Variants in ARHGEF7 observed in about 807,000 individuals in gnomAD.
ARHGEF7 encodes Rho guanine nucleotide exchange factor 7.
ARHGEF7 carries 33 observed loss-of-function variants against 109.8 expected under a neutral mutation model. That is an observed-to-expected ratio of 0.30 (90% CI 0.23 to 0.40). The LOEUF (loss-of-function observed/expected upper bound fraction) is 0.40. Among genes scored for constraint, ARHGEF7 ranks in the 10% least tolerant of loss-of-function variants. The pLI is 1.00. For missense variants in ARHGEF7, 938 were observed against 1,098.5 expected, an observed-to-expected ratio of 0.85 and a Z score of 2.07; for synonymous variants, 458 against 424.6, an observed-to-expected ratio of 1.08 and a Z score of -0.97.
intron 1 of ARHGEF7, among the ~76,000 whole-genome samples, chr13:111,151,125 C>T (rs1313293975): frequency 1.3e-5 from 2 of 152,234 alleles, no homozygotes; most frequent in African/African-American, 2.4e-5. Context: ...AGGTTGAATG[C>T]TTTAAAGTCA....
intron 16 of ARHGEF7, among the ~76,000 whole-genome samples, chr13:111,283,633 C>T (rs2092891177): frequency 6.6e-6 from 1 of 152,182 alleles, no homozygotes; most frequent in African/African-American, 2.4e-5. Context: ...AGTGTGCCGC[C>T]AGGGGCCAGG....
At chr13:111,281,977 A>G (rs148829146) in intron 15 of ARHGEF7, among the ~76,000 whole-genome samples, 1 of 152,376 alleles carries the variant, frequency 6.6e-6, no homozygotes, top group Non-Finnish European at 1.5e-5. Flanking sequence ...TTTTCAAGAA[A>G]GGAGAAACAA....
Position 111,118,803 on chromosome 13 carries a change from C to T in ARHGEF7, c.165+3112C>T, listed in dbSNP as rs530966699. ...CACTTGTGAATGCAACAAATGAAGT[C>T]TCTTAACTCACTATAAAAAACTCAA... On this transcript the variant is annotated intron_variant, in intron 1 of 21. Transcript: ENST00000646102. Among the ~76,000 whole-genome samples the T allele has an allele frequency of 2.6e-5, 4 of 152,310 alleles. No homozygotes were observed. In the East Asian group the frequency reaches 7.7e-4, roughly 29 times the overall value.
chr13:111,250,864 T>G (rs1244903951), intron 8 of ARHGEF7, among the ~76,000 whole-genome samples: 11 of 152,172 alleles, frequency 7.2e-5, no homozygotes, highest in African/African-American at 2.4e-4. Flanking sequence ...AAGAAAGATG[T>G]AGGGTAAGGG....
intron 10 of ARHGEF7, 96 bp from the exon 11 acceptor site, chr13:111,274,635 A>G: frequency 1.7e-6 from 1 of 590,798 alleles, no homozygotes; most frequent in Non-Finnish European, 2.8e-6. Flanking sequence ...AAGGGTTGAA[A>G]AGTGTTAGAA....
At chr13:111,216,279 G>T (rs376437547) in intron 4 of ARHGEF7, among the ~76,000 whole-genome samples, 2 of 152,098 alleles carry the variant, frequency 1.3e-5, no homozygotes, top group Admixed American at 6.6e-5. Flanking sequence ...TTGCTGGATG[G>T]GGGGGTGATG....
intron 2 of ARHGEF7, among the ~76,000 whole-genome samples, chr13:111,163,838 A>T (rs1357727147): frequency 1.3e-5 from 2 of 152,202 alleles, no homozygotes; most frequent in African/African-American, 4.8e-5. Flanking sequence ...CCTGGCCTAA[A>T]GTTAATTTTA....
At chr13:111,156,825 T>A (rs1324868600) in intron 2 of ARHGEF7, among the ~76,000 whole-genome samples, 1 of 152,276 alleles carries the variant, frequency 6.6e-6, no homozygotes, top group South Asian at 2.1e-4. Context: ...GACACAAAAC[T>A]TAAAACTAAT....
intron 2 of ARHGEF7, among the ~76,000 whole-genome samples, chr13:111,202,170 GT>G (rs1329243879): frequency 6.6e-6 from 1 of 152,212 alleles, no homozygotes; most frequent in Non-Finnish European, 1.5e-5. Flanking sequence ...TGCGAAGTGT[GT>G]CTGTGCAGCC....
At chr13:111,183,185 G>A (rs933752971) in intron 2 of ARHGEF7, among the ~76,000 whole-genome samples, 2 of 152,182 alleles carry the variant, frequency 1.3e-5, no homozygotes, top group African/African-American at 4.8e-5. Flanking sequence ...CAGTCACATT[G>A]CACGCACGCT....
intron 4 of ARHGEF7, among the ~76,000 whole-genome samples, chr13:111,210,503 G>A (rs921697551): frequency 6.6e-6 from 1 of 152,324 alleles, no homozygotes; most frequent in Middle Eastern, 3.4e-3. Flanking sequence ...TGATTGGGAC[G>A]CAGAGAAAGA....
intron 15 of ARHGEF7, 155 bp downstream of exon 15, chr13:111,280,832 C>T: frequency 1.2e-6 from 1 of 840,846 alleles, no homozygotes; most frequent in Non-Finnish European, 1.8e-6. Flanking sequence ...CTTTGGCCCT[C>T]TTCGTGCAGT....
chr13:111,260,322 G>A (rs2090951702), intron 8 of ARHGEF7, among the ~76,000 whole-genome samples: 2 of 152,188 alleles, frequency 1.3e-5, no homozygotes, highest in Admixed American at 1.3e-4. Context: ...GATTTAATAA[G>A]CAAACTCCCA....
chr13:111,288,339 C>G lies in ARHGEF7; in HGVS notation c.2045-15C>G, dbSNP rs776053802. 1 of 1,601,818 alleles carries G rather than the reference C, an allele frequency of 6.2e-7. No individual in the cohort carries two copies. The highest frequency in any genetic ancestry group is 1.7e-5 in the Admixed American group (1 of 59,942). On this transcript the variant is annotated splice_polypyrimidine_tract_variant and intron_variant, in intron 17 of 21. Coordinates refer to ENST00000646102, the MANE Select transcript of ARHGEF7 (RefSeq NM_001354046.2). The stretch of plus-strand genomic sequence containing the variant: ...CTTTCAGTTCGACTGTGAACTGTTG[C>G]GCATCTCTTGACAGGCACAGCTGCT...
chr13:111,251,618 T>C (rs921120213), intron 8 of ARHGEF7, among the ~76,000 whole-genome samples: 4 of 152,240 alleles, frequency 2.6e-5, no homozygotes, highest in South Asian at 2.1e-4. Context: ...CACTGACTTA[T>C]AATCATTCAG....
intron 11 of ARHGEF7, 95 bp downstream of exon 11, chr13:111,274,885 A>C: frequency 5.6e-6 from 5 of 891,398 alleles, no homozygotes; most frequent in Non-Finnish European, 7.9e-6. Flanking sequence ...TGATTAAAAA[A>C]TGACTTGTGC....
intron 2 of ARHGEF7, chr13:111,159,113 T>A: frequency 1.4e-6 from 1 of 717,768 alleles, no homozygotes; most frequent in Non-Finnish European, 2.6e-6. Flanking sequence ...TTTTACACTT[T>A]ACATATAGGT....
intron 2 of ARHGEF7, among the ~76,000 whole-genome samples, chr13:111,186,666 A>G (rs1340488662): frequency 1.3e-5 from 2 of 152,224 alleles, no homozygotes; most frequent in Non-Finnish European, 2.9e-5. Context: ...ACAAAATTAT[A>G]TTTTTAAACT....
chr13:111,214,700 C>G (rs1353131448), intron 4 of ARHGEF7, among the ~76,000 whole-genome samples: 1 of 152,196 alleles, frequency 6.6e-6, no homozygotes, highest in African/African-American at 2.4e-5. Flanking sequence ...GCCCAGAGAG[C>G]TTTGTGTCTG....
Sources: allele counts gnomAD v4.1 joint callset (sites outside exome capture counted in the v4.1 genomes callset), GRCh38; gene constraint gnomAD v4.1.1; transcripts MANE v1.5; gene names NCBI Gene and HGNC (gene_info 2026-07-23, HGNC 2026-07-21).